Variants in SLCO1A2 observed in about 807,000 individuals in gnomAD.
SLCO1A2 encodes the protein solute carrier organic anion transporter family member 1A2, also known as OATP-1.
SLCO1A2 carries 67 observed loss-of-function variants against 69.0 expected under a neutral mutation model. That is an observed-to-expected ratio of 0.97 (90% confidence interval 0.80 to 1.19). The LOEUF (loss-of-function observed/expected upper bound fraction) is 1.19, where lower values mean the gene tolerates loss of function less well. Among genes scored for constraint, SLCO1A2 ranks in the 50% most tolerant of loss-of-function variants. The pLI is 0.00. For synonymous variants in SLCO1A2, 260 were observed against 265.9 expected, an observed-to-expected ratio of 0.98 and a Z score of 0.22; for missense variants, 787 against 793.7, an observed-to-expected ratio of 0.99 and a Z score of 0.10.
intron 2 of SLCO1A2, among the ~76,000 whole-genome samples, chr12:21,358,424 T>C (rs906399222): frequency 6.6e-6 from 1 of 152,224 alleles, no homozygotes; most frequent in Non-Finnish European, 1.5e-5. Flanking sequence ...TTAAACTATG[T>C]GGCAATCCAC....
intron 14 of SLCO1A2, among the ~76,000 whole-genome samples, chr12:21,270,793 A>G (rs1942674269): frequency 6.6e-6 from 1 of 151,592 alleles, no homozygotes; most frequent in South Asian, 2.1e-4. Context: ...TGTAAGTGTT[A>G]TAATATCTGT....
chr12:21,402,289 C>A (rs971888612), intron 1 of SLCO1A2, among the ~76,000 whole-genome samples: 2 of 151,670 alleles, frequency 1.3e-5, no homozygotes, highest in Non-Finnish European at 2.9e-5. Context: ...AGCTTTATAA[C>A]CCTAATGTAA....
chr12:21,408,110 C>G (rs1941851520), intron 1 of SLCO1A2, among the ~76,000 whole-genome samples: 1 of 152,132 alleles, frequency 6.6e-6, no homozygotes, highest in Non-Finnish European at 1.5e-5. Flanking sequence ...ACTATTTTCC[C>G]TAGTACCTTA....
At chr12:21,302,622 C>T (rs147224666) in intron 6 of SLCO1A2, among the ~76,000 whole-genome samples, 37 of 151,872 alleles carry the variant, frequency 2.4e-4, no homozygotes, top group African/African-American at 7.0e-4. Flanking sequence ...GCAACCTCCA[C>T]CTCCCGGGTT....
chr12:21,312,130 A>C (rs558555766), intron 4 of SLCO1A2, among the ~76,000 whole-genome samples: 1 of 152,282 alleles, frequency 6.6e-6, no homozygotes, highest in Non-Finnish European at 1.5e-5. Context: ...CACATTGAAA[A>C]TCTGTTATTT....
At chr12:21,330,693 T>C (rs1952560975) in intron 2 of SLCO1A2, among the ~76,000 whole-genome samples, 3 of 152,164 alleles carry the variant, frequency 2.0e-5, no homozygotes, top group South Asian at 4.1e-4. Context: ...AGTCCTTGCA[T>C]TAAGAGTAAC....
At chr12:21,363,187 C>T (rs1939074356) in intron 2 of SLCO1A2, among the ~76,000 whole-genome samples, 1 of 152,140 alleles carries the variant, frequency 6.6e-6, no homozygotes, top group South Asian at 2.1e-4. Flanking sequence ...GAAATTATAA[C>T]AAACTGTCTC....
At position 21,269,419 on chromosome 12, in the gene SLCO1A2, T is replaced by C. The variant is rs141698628; in HGVS notation, c.*129A>G. On this transcript the variant is annotated 3_prime_UTR_variant, in exon 15 of 15. Coordinates refer to ENST00000683939, the MANE Select transcript of SLCO1A2 (RefSeq NM_001386879.1). Reference sequence around the variant, plus strand: ...TATCATTAGTGAACATTTTATTATTTTGAGTTAAGAGGTTTTTTAGGTTCT... The same window carrying C: ...TATCATTAGTGAACATTTTATTATTCTGAGTTAAGAGGTTTTTTAGGTTCT... 6.8e-3 allele frequency: 4,088 copies of C among 600,420 alleles called. 26 individuals carry two copies. The highest frequency in any genetic ancestry group is 8.3e-3 in the Non-Finnish European group (2,999 of 360,692). The allele number at this position is 600,420 out of a possible 1,614,324, so 37.2% of individuals were successfully genotyped here.
chr12:21,327,608 G>T (rs1424582492), intron 2 of SLCO1A2, among the ~76,000 whole-genome samples: 1 of 152,146 alleles, frequency 6.6e-6, no homozygotes, highest in Non-Finnish European at 1.5e-5. Context: ...AGTCAAAGGA[G>T]ATCATTTTGG....
intron 3 of SLCO1A2, among the ~76,000 whole-genome samples, chr12:21,316,748 C>T (rs2136725175): frequency 6.6e-6 from 1 of 152,170 alleles, no homozygotes; most frequent in South Asian, 2.1e-4. Flanking sequence ...CCCTGAATAA[C>T]CTCATAAATT....
At chr12:21,417,506 T>A (rs1942006883) in intron 1 of SLCO1A2, among the ~76,000 whole-genome samples, 1 of 149,978 alleles carries the variant, frequency 6.7e-6, no homozygotes, top group East Asian at 2.0e-4. Flanking sequence ...CCAGAAGAAA[T>A]GAAAAATATT....
intron 1 of SLCO1A2, among the ~76,000 whole-genome samples, chr12:21,416,526 G>A (rs1366171473): frequency 6.6e-6 from 1 of 151,934 alleles, no homozygotes; most frequent in Non-Finnish European, 1.5e-5. Context: ...TGAGAACCGA[G>A]CTAGCTTCGT....
At chr12:21,361,985 C>T (rs1005698792) in intron 2 of SLCO1A2, among the ~76,000 whole-genome samples, 12 of 152,012 alleles carry the variant, frequency 7.9e-5, no homozygotes, top group South Asian at 2.1e-4. Flanking sequence ...GATATCATGC[C>T]GGAGAACTTC....
At chr12:21,414,130 C>A (rs554121346) in intron 1 of SLCO1A2, among the ~76,000 whole-genome samples, 1 of 152,218 alleles carries the variant, frequency 6.6e-6, no homozygotes, top group East Asian at 1.9e-4. Context: ...CTCCAACCTT[C>A]CCCCTGTATC....
intron 2 of SLCO1A2, chr12:21,319,341 C>T (rs780471679): frequency 7.3e-7 from 1 of 1,367,770 alleles, no homozygotes; most frequent in East Asian, 4.5e-5. Flanking sequence ...TACTTAAGTT[C>T]TCTCTGCAGG....
intron 2 of SLCO1A2, among the ~76,000 whole-genome samples, chr12:21,324,263 A>G (rs994501301): frequency 2.0e-5 from 3 of 152,216 alleles, no homozygotes; most frequent in Non-Finnish European, 4.4e-5. Flanking sequence ...ATCCAGTAAC[A>G]AGTGTTAAAT....
intron 1 of SLCO1A2, among the ~76,000 whole-genome samples, chr12:21,404,524 A>G (rs1039053705): frequency 2.6e-5 from 4 of 152,116 alleles, no homozygotes; most frequent in Non-Finnish European, 4.4e-5. Context: ...GCTGAGGATA[A>G]TGGCTTCCAG....
intron 2 of SLCO1A2, among the ~76,000 whole-genome samples, chr12:21,363,319 C>A (rs2137056759): frequency 6.6e-6 from 1 of 152,244 alleles, no homozygotes; most frequent in South Asian, 2.1e-4. Flanking sequence ...GAAATGAAGG[C>A]AGAAATAAAG....
intron 2 of SLCO1A2, among the ~76,000 whole-genome samples, chr12:21,343,887 G>C (rs12372118): frequency 0.15 from 22,099 of 152,016 alleles, 1,979 homozygotes; most frequent in African/African-American, 0.25. Context: ...ACACCCACTA[G>C]ATGGACACTT....
Sources: allele counts gnomAD v4.1 joint callset (sites outside exome capture counted in the v4.1 genomes callset), GRCh38; gene constraint gnomAD v4.1.1; transcripts MANE v1.5; gene names NCBI Gene and HGNC (gene_info 2026-07-23, HGNC 2026-07-21).